SCO1: variants seen among roughly 807,000 people sequenced by gnomAD.
SCO1 encodes the protein synthesis of cytochrome C oxidase 1.
Under a neutral mutation model 34.0 loss-of-function variants are expected in SCO1, and 23 were observed. The observed-to-expected ratio is 0.68, with a 90% CI of 0.49 to 0.96. The LOEUF (loss-of-function observed/expected upper bound fraction) is 0.96. Among genes scored for constraint, SCO1 ranks in the 40% least tolerant of loss-of-function variants. The probability of loss-of-function intolerance (pLI) is 0.00; values close to 1 mark genes in which losing one functional copy is unlikely to be tolerated. For synonymous variants in SCO1, 161 were observed against 145.5 expected (o/e 1.11, Z -0.77); for missense variants, 404 against 381.6 (o/e 1.06, Z -0.49).
chr17:10,690,457 C>T (rs935827414), intron 4 of SCO1, among the ~76,000 whole-genome samples: 8 of 152,234 alleles, frequency 5.3e-5, no homozygotes, highest in African/African-American at 1.4e-4. Flanking sequence ...TCACCAATCA[C>T]AAGGGAAATG....
intron 5 of SCO1, among the ~76,000 whole-genome samples, chr17:10,681,957 T>A (rs2074624282): frequency 2.0e-5 from 3 of 152,192 alleles, no homozygotes; most frequent in Non-Finnish European, 4.4e-5. Flanking sequence ...CTATCTGAAA[T>A]CAATCCATCA....
chr17:10,697,067 G>C (rs1357934643), intron 1 of SCO1, among the ~76,000 whole-genome samples, 168 bp downstream of exon 1: 1 of 152,048 alleles, frequency 6.6e-6, no homozygotes, highest in Non-Finnish European at 1.5e-5. Flanking sequence ...CTACCCGCAA[G>C]GCACGGGAAA....
Position 10,677,803 on chromosome 17 carries a change from G to A in SCO1, c.*3316C>T, listed in dbSNP as rs1315415058. Reference sequence around the variant, plus strand: ...CTGTAACCCACCCAGGTAAAGATTTGCAAGGGATATTTCACTGAAACACAG... The same window carrying A: ...CTGTAACCCACCCAGGTAAAGATTTACAAGGGATATTTCACTGAAACACAG... On this transcript the variant is annotated 3_prime_UTR_variant, in exon 6 of 6. Coordinates refer to ENST00000255390, the MANE Select transcript of SCO1 (RefSeq NM_004589.4). 1 of 152,182 alleles carries A rather than the reference G, an allele frequency of 6.6e-6. No individual in the cohort carries two copies. Among genetic ancestry groups the A allele is most frequent in the Non-Finnish European group, 1.5e-5 (1 of 68,028 alleles). 9.4% of individuals were successfully genotyped at this position (152,182 alleles called of 1,614,324 possible).
Position 10,686,754 on chromosome 17 carries a change from G to A in SCO1, c.744C>T (p.Gly248=), listed in dbSNP as rs768270136. Residue 248 remains glycine (G), a synonymous_variant, in exon 5 of 6, where the codon GGC becomes GGT. Coordinates refer to ENST00000255390, the MANE Select transcript of SCO1 (RefSeq NM_004589.4). ...TGTAGTCTTCATCTTCGTCCTTGGG[G>A]CCAGGGCTGTAATACACTCTGTATG... ...ARAYRVYYSP[G]PKDEDEDYIV... The A allele has an allele frequency of 1.3e-5, 21 of 1,612,692 alleles. No homozygotes were observed. The highest frequency in any genetic ancestry group is 5.0e-5 in the Admixed American group (3 of 59,990).
intron 3 of SCO1, 65 bp from the exon 4 acceptor site, chr17:10,692,029 T>C (rs886362390): frequency 1.7e-6 from 2 of 1,157,512 alleles, no homozygotes; most frequent in Non-Finnish European, 2.6e-6. Context: ...AAACCAGCAA[T>C]AACAGGAGAG....
rs1171937724 is a variant in SCO1 at position 10,678,155 on chromosome 17, TC to T, written c.*2963del. The stretch of plus-strand genomic sequence containing the variant: ...AAAAAAAACAGCCTTGCTTTTGATT[TC>T]CCAAGATTTGCAGCTGAAAAACGTT... On this transcript the variant is annotated 3_prime_UTR_variant, in exon 6 of 6. Coordinates refer to ENST00000255390, the MANE Select transcript of SCO1 (RefSeq NM_004589.4). 3.9e-5 allele frequency: 6 copies of T among 152,300 alleles called. No individual in the cohort carries two copies. The highest frequency in any genetic ancestry group is 1.4e-4 in the African/African-American group (6 of 41,536). The allele number at this position is 152,300 out of a possible 1,614,324, so 9.4% of individuals were successfully genotyped here. A position where few individuals can be genotyped will look rare whatever the true frequency, so the allele number is the denominator to read the frequency against.
In SCO1 at chr17:10,688,985, G is replaced by C. The variant is rs575167004; in HGVS notation, c.656-2143C>G. Among the ~76,000 whole-genome samples the C allele has an allele frequency of 3.3e-3, 483 of 148,188 alleles. 30 individuals carry two copies. The highest frequency in any genetic ancestry group is 0.012 in the African/African-American group (453 of 38,248). On this transcript the variant is annotated intron_variant, in intron 4 of 5. Transcript: ENST00000255390. ...CAAAAAATTAGCCGGGCGTGGTAGC[G>C]GGCGCCTGTAGTCCCAGCTACTTGG...
chr17:10,695,535 T>C lies in SCO1; in HGVS notation c.364+206A>G, dbSNP rs3760434. 9,676 of 520,936 alleles carry C rather than the reference T, an allele frequency of 0.019. 579 individuals are homozygous for C. The highest frequency in any genetic ancestry group is 0.17 in the East Asian group (4,933 of 29,710). The allele number at this position is 520,936 out of a possible 1,614,324, so 32.3% of individuals were successfully genotyped here. On this transcript the variant is annotated intron_variant, in intron 2 of 5. Transcript: ENST00000255390. ...TAGTTGTGTGCCATTTAAAATTTCT[T>C]AGTCATGAAAAATGTGTCATGGTTA... is the stretch of plus-strand genomic sequence containing the variant.
rs528083628 is a variant in SCO1 at position 10,680,185 on chromosome 17, A to AGATT, written c.*930_*933dup. On this transcript the variant is annotated 3_prime_UTR_variant, in exon 6 of 6. Transcript: ENST00000255390. ...GAAGCAGGTCTCTGCATCATACTGCAGATTCAGTGAATTCAGCTCTGGGTC... is the reference window on the plus strand; with the variant it reads ...GAAGCAGGTCTCTGCATCATACTGCAGATTGATTCAGTGAATTCAGCTCTGGGTC... 1.3e-5 allele frequency: 2 copies of AGATT among 152,304 alleles called. No individual in the cohort carries two copies. The highest frequency in any genetic ancestry group is 3.2e-3 in the Middle Eastern group (1 of 316). 9.4% of individuals were successfully genotyped at this position (152,304 alleles called of 1,614,324 possible).
intron 4 of SCO1, among the ~76,000 whole-genome samples, chr17:10,691,623 C>T (rs1359465888): frequency 6.6e-6 from 1 of 152,186 alleles, no homozygotes; most frequent in African/African-American, 2.4e-5. Flanking sequence ...TTAGTTGATA[C>T]ATGAAGGCCA....
rs1260329682 is a variant in SCO1, at chr17:10,675,772, T to TA, written c.*5346dup. The stretch of plus-strand genomic sequence containing the variant: ...CACCCAACAACGAGGACAAATGCGT[T>TA]AGTCTTTTTAAACTGGTCCAACCTG... On this transcript the variant is annotated 3_prime_UTR_variant, in exon 6 of 6. Coordinates refer to ENST00000255390, the MANE Select transcript of SCO1 (RefSeq NM_004589.4). 1.3e-5 allele frequency: 2 copies of TA among 152,188 alleles called. No homozygotes were observed. Among genetic ancestry groups the TA allele is most frequent in the Non-Finnish European group, 2.9e-5 (2 of 68,042 alleles). The allele number at this position is 152,188 out of a possible 1,614,324, so 9.4% of individuals were successfully genotyped here.
chr17:10,696,670 C>T (rs1244090426), intron 1 of SCO1, among the ~76,000 whole-genome samples: 1 of 150,330 alleles, frequency 6.7e-6, no homozygotes, highest in African/African-American at 2.5e-5. Context: ...ATGATGTTGG[C>T]CAACTAGACT....
intron 4 of SCO1, among the ~76,000 whole-genome samples, chr17:10,688,354 A>G (rs887152866): frequency 2.6e-5 from 4 of 152,268 alleles, no homozygotes; most frequent in Admixed American, 6.5e-5. Context: ...CAGACACTTC[A>G]CTAAAGGTAA....
chr17:10,688,119 C>T (rs1252500341), intron 4 of SCO1, among the ~76,000 whole-genome samples: 1 of 152,056 alleles, frequency 6.6e-6, no homozygotes, highest in Non-Finnish European at 1.5e-5. Flanking sequence ...TCTTATATAC[C>T]AAACCAAAAG....
intron 1 of SCO1, among the ~76,000 whole-genome samples, chr17:10,696,362 T>C (rs998898503): frequency 3.3e-5 from 5 of 152,064 alleles, no homozygotes; most frequent in African/African-American, 1.2e-4. Flanking sequence ...GGAGAATCGC[T>C]TGAACCCGGG....
chr17:10,682,155 G>C (rs2074625828), intron 5 of SCO1, among the ~76,000 whole-genome samples: 1 of 152,190 alleles, frequency 6.6e-6, no homozygotes, highest in African/African-American at 2.4e-5. Context: ...TTGGCACTTA[G>C]AGTCCTTGGA....
chr17:10,692,403 T>C (rs1249814764), intron 3 of SCO1, among the ~76,000 whole-genome samples: 1 of 152,200 alleles, frequency 6.6e-6, no homozygotes, highest in Non-Finnish European at 1.5e-5. Context: ...TCCTTCTTAC[T>C]AGTACTAGTA....
At chr17:10,687,839 C>G (rs1200022948) in intron 4 of SCO1, among the ~76,000 whole-genome samples, 1 of 152,178 alleles carries the variant, frequency 6.6e-6, no homozygotes, top group South Asian at 2.1e-4. Flanking sequence ...TACAGCAACT[C>G]GAATGTCTAC....
rs901181812 is a variant in SCO1 at position 10,681,244 on chromosome 17, T to G, written c.781A>C (p.Thr261Pro). 6.2e-7 allele frequency: 1 copy of G among 1,614,018 alleles called. No homozygotes were observed. The highest frequency in any genetic ancestry group is 1.3e-5 in the African/African-American group (1 of 74,944). Residue 261 changes from threonine to proline, a missense_variant, in exon 6 of 6, where the codon ACA (threonine) becomes CCA (proline). By Grantham distance (38) the Thr-to-Pro change is conservative (BLOSUM62 -1). Coordinates refer to ENST00000255390, the MANE Select transcript of SCO1 (RefSeq NM_004589.4). ...GGTCCAATCAAGTACATTATTATTGTGTGATCCACCTGCAGAGAAAAGGGG... is the reference window on the plus strand; with the variant it reads ...GGTCCAATCAAGTACATTATTATTGGGTGATCCACCTGCAGAGAAAAGGGG... ...DEDEDYIVDH[T>P]IIMYLIGPDG...
Sources: allele counts gnomAD v4.1 joint callset (sites outside exome capture counted in the v4.1 genomes callset), GRCh38; gene constraint gnomAD v4.1.1; transcripts MANE v1.5; gene names NCBI Gene and HGNC (gene_info 2026-07-23, HGNC 2026-07-21).